The following PPARGC1A variants were observed in gnomAD, a reference collection of about 807,000 sequenced individuals.
The protein encoded by PPARGC1A is PPARG coactivator 1 alpha, also known as peroxisome proliferator-activated receptor gamma coactivator 1-alpha.
PPARGC1A carries 25 observed loss-of-function variants against 88.7 expected under a neutral mutation model. The observed-to-expected ratio is 0.28, with a 90% CI of 0.21 to 0.39. The LOEUF (loss-of-function observed/expected upper bound fraction) is 0.39, where lower values mean the gene tolerates loss of function less well. PPARGC1A is among the 10% of genes least tolerant of loss of function. The probability of loss-of-function intolerance (pLI) is 1.00; values close to 1 mark genes in which losing one functional copy is unlikely to be tolerated. For synonymous variants in PPARGC1A, 363 were observed against 355.6 expected (o/e 1.02, Z -0.24); for missense variants, 880 against 968.7 (o/e 0.91, Z 1.22).
At chr4:24,142,578 G>A in the PPARGC1A span, among the ~76,000 whole-genome samples, 2 of 152,178 alleles carry the variant, frequency 1.3e-5, no homozygotes, top group Non-Finnish European at 2.9e-5. Context: ...GGTGGCTGAG[G>A]CAGGAGGATA....
the PPARGC1A span, among the ~76,000 whole-genome samples, chr4:24,002,068 TCACA>T: frequency 5.7e-3 from 702 of 122,978 alleles, 4 homozygotes; most frequent in Admixed American, 8.3e-3. Flanking sequence ...GATGATAAAT[TCACA>T]CACACACACA....
chr4:23,999,528 G>A, the PPARGC1A span, among the ~76,000 whole-genome samples: 3 of 152,164 alleles, frequency 2.0e-5, no homozygotes, highest in African/African-American at 7.2e-5. Context: ...TGTTGTTGTT[G>A]TTGTTTTAAG....
At chr4:24,298,437 A>G in the PPARGC1A span, among the ~76,000 whole-genome samples, 1 of 152,134 alleles carries the variant, frequency 6.6e-6, no homozygotes, top group Admixed American at 6.6e-5. Context: ...TAAAAGTGTT[A>G]ATCAATGTGA....
chr4:24,207,074 T>G, the PPARGC1A span, among the ~76,000 whole-genome samples: 1 of 152,040 alleles, frequency 6.6e-6, no homozygotes, highest in Admixed American at 6.6e-5. Flanking sequence ...TGCTCTCAAA[T>G]TTTTTTAAAT....
At chr4:23,913,153 T>A in the PPARGC1A span, among the ~76,000 whole-genome samples, 5 of 145,956 alleles carry the variant, frequency 3.4e-5, no homozygotes, top group South Asian at 2.2e-4. Flanking sequence ...ATACACTCTC[T>A]CTCTCTCAAC....
the PPARGC1A span, among the ~76,000 whole-genome samples, chr4:24,296,286 A>G: frequency 6.6e-6 from 1 of 151,714 alleles, no homozygotes; most frequent in Non-Finnish European, 1.5e-5. Flanking sequence ...GTTTAGTATA[A>G]GCATGTTCCA....
the PPARGC1A span, among the ~76,000 whole-genome samples, chr4:24,058,079 C>T: frequency 1.3e-5 from 2 of 152,194 alleles, no homozygotes; most frequent in Middle Eastern, 3.2e-3. Context: ...AACTCTTGTA[C>T]TTTTGGACCT....
the PPARGC1A span, among the ~76,000 whole-genome samples, chr4:24,110,795 G>C: frequency 1.3e-5 from 2 of 152,154 alleles, no homozygotes; most frequent in Non-Finnish European, 2.9e-5. Context: ...AGAACCCAAT[G>C]AGATATACGT....
chr4:23,889,245 G>C, intron 1 of PPARGC1A: 1 of 985,364 alleles, frequency 1.0e-6, no homozygotes, highest in Non-Finnish European at 1.2e-6. Flanking sequence ...TTAACCATTG[G>C]CTTCCCTGCC....
At chr4:24,071,571 G>A in the PPARGC1A span, among the ~76,000 whole-genome samples, 17 of 151,842 alleles carry the variant, frequency 1.1e-4, no homozygotes, top group Admixed American at 5.9e-4. Context: ...CTTTGCACTG[G>A]TCTTTAAATG....
At chr4:24,410,923 T>A in the PPARGC1A span, among the ~76,000 whole-genome samples, 1 of 152,194 alleles carries the variant, frequency 6.6e-6, no homozygotes, top group African/African-American at 2.4e-5. Context: ...ACTGGCTTCC[T>A]TGCTCCTCAC....
chr4:24,359,835 C>G, the PPARGC1A span, among the ~76,000 whole-genome samples: 1 of 152,184 alleles, frequency 6.6e-6, no homozygotes, highest in African/African-American at 2.4e-5. Flanking sequence ...GAAAATGACC[C>G]TGCCAATACC....
chr4:23,930,938 C>G, the PPARGC1A span, among the ~76,000 whole-genome samples: 2 of 152,244 alleles, frequency 1.3e-5, no homozygotes, highest in African/African-American at 4.8e-5. Flanking sequence ...GGCTACTGCC[C>G]TTCAGCTGAA....
chr4:23,964,976 T>C, the PPARGC1A span, among the ~76,000 whole-genome samples: 1 of 152,136 alleles, frequency 6.6e-6, no homozygotes, highest in South Asian at 2.1e-4. Flanking sequence ...AAAGACAGCA[T>C]AGATAGACTG....
the PPARGC1A span, among the ~76,000 whole-genome samples, chr4:24,270,061 G>T: frequency 1.3e-5 from 2 of 152,014 alleles, no homozygotes; most frequent in Admixed American, 6.6e-5. Flanking sequence ...TGAGTACAGC[G>T]TATTGCCCTC....
chr4:24,434,704 T>C, the PPARGC1A span, among the ~76,000 whole-genome samples: 6 of 152,222 alleles, frequency 3.9e-5, no homozygotes, highest in South Asian at 1.2e-3. Context: ...CAACATCAGA[T>C]TGTTCATAAA....
At chr4:24,114,402 A>T in the PPARGC1A span, among the ~76,000 whole-genome samples, 1 of 152,176 alleles carries the variant, frequency 6.6e-6, no homozygotes, top group Non-Finnish European at 1.5e-5. Context: ...TACTTTCACT[A>T]TCCCACCCTG....
chr4:24,056,130 A>T, the PPARGC1A span, among the ~76,000 whole-genome samples: 2 of 152,240 alleles, frequency 1.3e-5, no homozygotes, highest in African/African-American at 4.8e-5. Context: ...GAAGTGGCAG[A>T]TTTGGGACTC....
At chr4:24,025,850 A>AAGG in the PPARGC1A span, among the ~76,000 whole-genome samples, 3 of 152,274 alleles carry the variant, frequency 2.0e-5, no homozygotes, top group East Asian at 1.9e-4. Flanking sequence ...TCAATGGGGA[A>AAGG]AGGAGGAGGA....
Sources: allele counts gnomAD v4.1 joint callset (sites outside exome capture counted in the v4.1 genomes callset), GRCh38; gene constraint gnomAD v4.1.1; transcripts MANE v1.5; gene names NCBI Gene and HGNC (gene_info 2026-07-23, HGNC 2026-07-21).